The following URB2 variants were observed in gnomAD, a reference collection of about 807,000 sequenced individuals.
URB2 encodes the protein unhealthy ribosome biogenesis protein 2 homolog.
In URB2, 86 loss-of-function variants were observed where a neutral mutation model predicts 120.9. The observed-to-expected ratio is 0.71, with a 90% CI of 0.60 to 0.85. The LOEUF is 0.85. Among genes scored for constraint, URB2 ranks in the 40% least tolerant of loss-of-function variants. The pLI is 0.00. For missense variants in URB2, 1,765 were observed against 1,836.5 expected, an observed-to-expected ratio of 0.96 and a Z score of 0.71; for synonymous variants, 755 against 758.4, an observed-to-expected ratio of 1.00 and a Z score of 0.07.
At chr1:229,628,199 GTA>G (rs1203868280) in intron 2 of URB2, among the ~76,000 whole-genome samples, 168 of 140,988 alleles carry the variant, frequency 1.2e-3, no homozygotes, top group African/African-American at 4.1e-3. Context: ...TAATATATAT[GTA>G]TATATATTAT....
chr1:229,631,187 C>T (rs770586792), intron 2 of URB2, among the ~76,000 whole-genome samples: 1 of 152,126 alleles, frequency 6.6e-6, no homozygotes, highest in African/African-American at 2.4e-5. Flanking sequence ...CTGGTAGCTT[C>T]TAGCTTTTCC....
chr1:229,643,800 A>T, intron 5 of URB2, 107 bp downstream of exon 5: 1 of 1,405,798 alleles, frequency 7.1e-7, no homozygotes, highest in Non-Finnish European at 9.5e-7. Context: ...ACAAGTTCTA[A>T]CTGGTAGAGA....
chr1:229,657,621 G>A (rs547862093), intron 9 of URB2, among the ~76,000 whole-genome samples: 11 of 152,170 alleles, frequency 7.2e-5, no homozygotes, highest in Admixed American at 2.0e-4. Context: ...TCTGTTTTTC[G>A]TTTTGTTTTG....
intron 2 of URB2, among the ~76,000 whole-genome samples, chr1:229,631,422 G>T (rs551232432): frequency 6.6e-6 from 1 of 152,132 alleles, no homozygotes; most frequent in Non-Finnish European, 1.5e-5. Context: ...TTGCATTCAC[G>T]ATTTGGTTAA....
rs1429081712 is a variant in URB2 at position 229,654,265 on chromosome 1, G to A, written c.4254G>A (p.Leu1418=). 1.9e-6 allele frequency: 3 copies of A among 1,614,022 alleles called. No homozygotes were observed. The highest frequency in any genetic ancestry group is 2.5e-6 in the Non-Finnish European group (3 of 1,180,020). The change falls in exon 9 of 10, where the codon CTG becomes CTA. Residue 1418 remains leucine (L), a synonymous_variant. Coordinates refer to ENST00000258243, the MANE Select transcript of URB2 (RefSeq NM_014777.4). ...RQKDKGSIDD[L]PTVLKCARLV... Reference sequence around the variant, plus strand: ...TGTCTGTAGGAAGCATAGATGACCTGCCTACGGTCCTAAAGTGTGCACGCC... The same window carrying A: ...TGTCTGTAGGAAGCATAGATGACCTACCTACGGTCCTAAAGTGTGCACGCC...
At position 229,637,011 on chromosome 1, in the gene URB2, C is replaced by T. The variant is rs775635453; in HGVS notation, c.2398C>T (p.Leu800Phe). 6.2e-7 allele frequency: 1 copy of T among 1,614,098 alleles called. No homozygotes were observed. Among genetic ancestry groups the T allele is most frequent in the South Asian group, 1.1e-5 (1 of 91,088 alleles). The change falls in exon 4 of 10, where the codon CTC (leucine) becomes TTC (phenylalanine). Residue 800 changes from leucine (L) to phenylalanine (F), a missense_variant. Coordinates refer to ENST00000258243, the MANE Select transcript of URB2 (RefSeq NM_014777.4). ...ATCCAAAGCCTTCCTTCATAGCCCT[C>T]TCTTTCCAGAGATGCAGTCCCTTCA... ...KISKAFLHSP[L>F]FPEMQSLHSA...
intron 9 of URB2, among the ~76,000 whole-genome samples, chr1:229,655,566 A>G (rs1439966643): frequency 6.6e-6 from 1 of 152,208 alleles, no homozygotes; most frequent in African/African-American, 2.4e-5. Flanking sequence ...GAATGTCATT[A>G]TGCTATTTTC....
rs777872623 is a variant in URB2 at position 229,635,826 on chromosome 1, A to G, written c.1213A>G (p.Ile405Val). 1.2e-6 allele frequency: 2 copies of G among 1,612,510 alleles called. No individual in the cohort carries two copies. Among genetic ancestry groups the G allele is most frequent in the Non-Finnish European group, 1.7e-6 (2 of 1,178,628 alleles). ...GCTGATAAACCATGCACAAGCACCCATACCGGCCTGGTTCCGCTGTCTGAA... is the reference window on the plus strand; with the variant it reads ...GCTGATAAACCATGCACAAGCACCCGTACCGGCCTGGTTCCGCTGTCTGAA... The part of the protein sequence containing the change: ...ELLINHAQAP[I>V]PAWFRCLKTL... Residue 405 changes from isoleucine (I) to valine (V), a missense_variant, in exon 4 of 10, where the codon ATA becomes GTA. By Grantham distance (29) the Ile-to-Val change is conservative. Coordinates refer to ENST00000258243, the MANE Select transcript of URB2 (RefSeq NM_014777.4).
chr1:229,647,872 C>G, intron 7 of URB2, 120 bp downstream of exon 7: 1 of 1,443,568 alleles, frequency 6.9e-7, no homozygotes, highest in East Asian at 2.4e-5. Flanking sequence ...TAACGATTTG[C>G]TAGGCAAACT....
At chr1:229,633,701 A>G (rs1433162297) in intron 3 of URB2, among the ~76,000 whole-genome samples, 1 of 152,236 alleles carries the variant, frequency 6.6e-6, no homozygotes, top group African/African-American at 2.4e-5. Flanking sequence ...GGGAGCAAGT[A>G]ACTTAACCTG....
chr1:229,632,231 A>G, intron 2 of URB2, 38 bp from the exon 3 acceptor site: 2 of 1,484,924 alleles, frequency 1.3e-6, no homozygotes, highest in South Asian at 1.5e-5. Context: ...CTCTCAGCAA[A>G]TAAATTTATT....
intron 7 of URB2, among the ~76,000 whole-genome samples, chr1:229,650,213 T>C (rs1435782721): frequency 6.6e-6 from 1 of 152,202 alleles, no homozygotes; most frequent in Non-Finnish European, 1.5e-5. Flanking sequence ...GTGCTGTGTC[T>C]CCATCGTCCA....
rs1666182252 is a variant in URB2, at chr1:229,647,627, C to A, written c.4024C>A (p.His1342Asn). The change falls in exon 7 of 10, where the codon CAC (histidine) becomes AAC (asparagine). Residue 1342 changes from histidine (H) to asparagine (N), a missense_variant. Coordinates refer to ENST00000258243, the MANE Select transcript of URB2 (RefSeq NM_014777.4). ...QGEEAIGNPH[H>N]VSLAFSILLT... ...GGAGGAGGCCATCGGCAACCCCCAC[C>A]ACGTCAGCCTGGCCTTCAGCATCCT... 6.2e-7 allele frequency: 1 copy of A among 1,614,180 alleles called. No individual in the cohort carries two copies. The highest frequency in any genetic ancestry group is 2.2e-5 in the East Asian group (1 of 44,866).
chr1:229,647,787 C>T, intron 7 of URB2, 35 bp downstream of exon 7: 2 of 1,600,730 alleles, frequency 1.2e-6, no homozygotes, highest in Middle Eastern at 3.8e-4. Context: ...GGCAGCTTTT[C>T]CTCTGCGAGC....
At position 229,645,873 on chromosome 1, in the gene URB2, T is replaced by G. The variant is rs774139356; in HGVS notation, c.3810T>G (p.Ala1270=). 3 of 1,614,086 alleles carry G rather than the reference T, an allele frequency of 1.9e-6. No homozygotes were observed. The highest frequency in any genetic ancestry group is 2.5e-6 in the Non-Finnish European group (3 of 1,179,948). ...WKADVQAVVS[A]VTLLRLLLNC... is the part of the protein sequence containing the mutation. Reference sequence around the variant, plus strand: ...TCTTGCCCCAGGCTGTTGTGTCAGCTGTTACACTGCTGAGGCTGCTACTGA... The same window carrying G: ...TCTTGCCCCAGGCTGTTGTGTCAGCGGTTACACTGCTGAGGCTGCTACTGA... The change falls in exon 6 of 10, where the codon GCT becomes GCG. Residue 1270 remains alanine, a synonymous_variant. Transcript: ENST00000258243.
chr1:229,635,087 C>CA lies in URB2; in HGVS notation c.475dup (p.Arg159LysfsTer13). The CA allele has an allele frequency of 6.2e-7, 1 of 1,614,018 alleles. No individual in the cohort carries two copies. Among genetic ancestry groups the CA allele is most frequent in the Non-Finnish European group, 8.5e-7 (1 of 1,179,944 alleles). On this transcript the variant is annotated frameshift_variant, in exon 4 of 10. Transcript: ENST00000258243. LOFTEE classifies it high-confidence loss of function. ...TGAGCCAGCTTTGCTGGTCGGCCTG[C>CA]AGGCAGCCCGAAGGAGCTGTGGTAG...
At chr1:229,644,780 G>A (rs1032567286) in intron 5 of URB2, among the ~76,000 whole-genome samples, 2 of 152,098 alleles carry the variant, frequency 1.3e-5, no homozygotes, top group Non-Finnish European at 2.9e-5. Context: ...AGAAAGGGAC[G>A]GTGTGAGGCT....
At chr1:229,651,999 T>G (rs890704454) in intron 8 of URB2, among the ~76,000 whole-genome samples, 6 of 152,082 alleles carry the variant, frequency 3.9e-5, no homozygotes, top group African/African-American at 1.4e-4. Context: ...CTGGCCAACA[T>G]GGTGAAACCC....
intron 9 of URB2, among the ~76,000 whole-genome samples, chr1:229,654,604 C>T (rs771652527): frequency 4.6e-5 from 7 of 152,080 alleles, no homozygotes; most frequent in Admixed American, 1.3e-4. Flanking sequence ...ATGTTCCTCC[C>T]GCCTCAGCCT....
Sources: gnomAD v4.1 joint callset for allele counts (sites outside exome capture counted in the v4.1 genomes callset) on GRCh38, gnomAD v4.1.1 for gene constraint, MANE v1.5 for transcripts, NCBI Gene and HGNC (gene_info 2026-07-23, HGNC 2026-07-21) for gene names.